The following MYLK variants were observed in gnomAD, a reference collection of about 807,000 sequenced individuals.
MYLK encodes myosin light chain kinase, smooth muscle.
A neutral mutation model predicts 203.4 loss-of-function variants in MYLK; 106 were observed. The ratio of observed to expected loss-of-function variants is 0.52; its 90% confidence interval spans 0.45 to 0.61. The LOEUF is 0.61. Among genes scored for constraint, MYLK ranks in the 20% least tolerant of loss-of-function variants. The pLI is 0.00. For synonymous variants in MYLK, 867 were observed against 959.5 expected, an observed-to-expected ratio of 0.90 and a Z score of 1.78; for missense variants, 2,072 against 2,442.3, an observed-to-expected ratio of 0.85 and a Z score of 3.20.
chr3:123,864,816 G>C (rs1356177633), intron 2 of MYLK, among the ~76,000 whole-genome samples: 1 of 152,154 alleles, frequency 6.6e-6, no homozygotes, highest in Non-Finnish European at 1.5e-5. Flanking sequence ...AAAAGCAGGA[G>C]GATCGTTTGA....
At chr3:123,827,282 C>T (rs558354133) in intron 3 of MYLK, among the ~76,000 whole-genome samples, 17 of 152,192 alleles carry the variant, frequency 1.1e-4, no homozygotes, top group Admixed American at 1.0e-3. Context: ...GAGAGATGGA[C>T]ATTCAGGTCT....
At chr3:123,757,109 T>C (rs1413649688) in intron 4 of MYLK, among the ~76,000 whole-genome samples, 2 of 152,200 alleles carry the variant, frequency 1.3e-5, no homozygotes, top group Non-Finnish European at 2.9e-5. Context: ...GAGAGGCAGT[T>C]TCCAGAACCT....
rs2059092909 is a variant in MYLK, at chr3:123,648,323, G to A, written c.4415+648C>T. Among the ~76,000 whole-genome samples the A allele has an allele frequency of 1.3e-5, 2 of 152,190 alleles. No homozygotes were observed. Among genetic ancestry groups the A allele is most frequent in the South Asian group, 4.1e-4 (2 of 4,830 alleles). On this transcript the variant is annotated intron_variant, in intron 26 of 33. Transcript: ENST00000360304. The surrounding 1 kb of genome is among the most constrained non-coding windows in gnomAD (Gnocchi z 4.5). ...CAGTGCGAGCCAAGTTCATGAGGGA[G>A]CTTGATGACTGCTGCGCGTTTAATG...
chr3:123,764,713 G>A (rs749125425), intron 4 of MYLK, among the ~76,000 whole-genome samples: 5 of 152,210 alleles, frequency 3.3e-5, no homozygotes, highest in African/African-American at 4.8e-5. Flanking sequence ...TGTACAGGAG[G>A]AGAGGGGTCT....
At chr3:123,666,434 T>C (rs1461483217) in intron 21 of MYLK, 88 bp from the exon 22 acceptor site, 1 of 1,585,356 alleles carries the variant, frequency 6.3e-7, no homozygotes, top group Non-Finnish European at 8.6e-7. Flanking sequence ...AGTGGTCTGT[T>C]GGCTTCTCTC....
At chr3:123,817,725 G>A (rs974866709) in intron 3 of MYLK, among the ~76,000 whole-genome samples, 4 of 152,162 alleles carry the variant, frequency 2.6e-5, no homozygotes, top group Non-Finnish European at 2.9e-5. Flanking sequence ...GGCTGATAGC[G>A]GGTAAGGAAC....
intron 4 of MYLK, among the ~76,000 whole-genome samples, chr3:123,763,814 C>A (rs535562576): frequency 6.6e-6 from 1 of 152,100 alleles, no homozygotes; most frequent in African/African-American, 2.4e-5. Context: ...TCCGTCAGAC[C>A]GTTGGTAGAT....
chr3:123,720,317 G>T (rs763777500), intron 13 of MYLK, among the ~76,000 whole-genome samples: 7 of 152,176 alleles, frequency 4.6e-5, no homozygotes, highest in Non-Finnish European at 1.0e-4. Flanking sequence ...ACCTCCAGGG[G>T]ACTCTTAGCT....
chr3:123,861,693 CA>C (rs1293580628), intron 2 of MYLK, among the ~76,000 whole-genome samples: 6 of 152,178 alleles, frequency 3.9e-5, no homozygotes, highest in South Asian at 2.1e-4. Flanking sequence ...GGCAGGAAAA[CA>C]AGTGTCCTAA....
intron 3 of MYLK, among the ~76,000 whole-genome samples, chr3:123,826,565 C>T (rs1376197273): frequency 3.9e-5 from 6 of 152,216 alleles, no homozygotes; most frequent in Non-Finnish European, 8.8e-5. Context: ...TGAAAAGCAG[C>T]CCCACAGACC....
intron 22 of MYLK, among the ~76,000 whole-genome samples, chr3:123,665,102 G>C (rs1180966418): frequency 6.6e-6 from 1 of 152,198 alleles, no homozygotes; most frequent in East Asian, 1.9e-4. Flanking sequence ...CACTTCAAGA[G>C]GGTGAATTTT....
chr3:123,774,964 G>A (rs2064016435), intron 4 of MYLK, among the ~76,000 whole-genome samples: 2 of 152,116 alleles, frequency 1.3e-5, no homozygotes, highest in East Asian at 3.9e-4. Context: ...TAAGGATCTA[G>A]TCTCCTCCCA....
chr3:123,752,545 G>C lies in MYLK; in HGVS notation c.166-7C>G, dbSNP rs1560173747. 6.2e-7 allele frequency: 1 copy of C among 1,609,276 alleles called. No homozygotes were observed. Among genetic ancestry groups the C allele is most frequent in the East Asian group, 2.2e-5 (1 of 44,716 alleles). ...GCTCTGGGTAACCCCGGACCTTCAAGAAAAAGAAGAAAGGGTAAGAGCCTG... is the reference window on the plus strand; with the variant it reads ...GCTCTGGGTAACCCCGGACCTTCAACAAAAAGAAGAAAGGGTAAGAGCCTG... On this transcript the variant is annotated splice_polypyrimidine_tract_variant and splice_region_variant and intron_variant, in intron 4 of 33. Coordinates refer to ENST00000360304, the MANE Select transcript of MYLK (RefSeq NM_053025.4).
chr3:123,647,796 C>T (rs1000350581), intron 26 of MYLK, among the ~76,000 whole-genome samples: 12 of 151,982 alleles, frequency 7.9e-5, no homozygotes, highest in African/African-American at 2.9e-4. Flanking sequence ...AAGCAATCCT[C>T]CCACCTCGGC....
intron 29 of MYLK, among the ~76,000 whole-genome samples, chr3:123,633,232 C>T (rs1576376937): frequency 6.6e-6 from 1 of 151,850 alleles, no homozygotes. Context: ...GCTTAGGTGA[C>T]CCTCCCACCT....
At position 123,700,537 on chromosome 3, in the gene MYLK, G is replaced by A. The variant is rs1225392368; in HGVS notation, c.2931C>T (p.Ala977=). The part of the protein sequence containing the change: ...VPEKVPPPKP[A]TPDFRSVLGG... ...CCAGCACTGAGCGAAAATCCGGGGT[G>A]GCAGGTTTTGGCGGTGGCACCTTCT... The change falls in exon 18 of 34, where the codon GCC becomes GCT. Residue 977 remains alanine (A), a synonymous_variant. Transcript: ENST00000360304. 1 of 1,613,478 alleles carries A rather than the reference G, an allele frequency of 6.2e-7. No individual in the cohort carries two copies. The highest frequency in any genetic ancestry group is 1.3e-5 in the African/African-American group (1 of 74,882).
intron 4 of MYLK, among the ~76,000 whole-genome samples, chr3:123,789,099 G>A (rs1249240462): frequency 6.6e-6 from 1 of 152,152 alleles, no homozygotes; most frequent in Non-Finnish European, 1.5e-5. Context: ...AGAGCAGCTA[G>A]GGGTGTTTCC....
At chr3:123,713,695 G>A (rs2061792837) in intron 13 of MYLK, among the ~76,000 whole-genome samples, 1 of 151,446 alleles carries the variant, frequency 6.6e-6, no homozygotes, top group African/African-American at 2.4e-5. Context: ...GCCTCTATCA[G>A]TTTCTGCTCA....
chr3:123,867,393 G>A (rs976977377), intron 2 of MYLK, among the ~76,000 whole-genome samples: 5 of 145,922 alleles, frequency 3.4e-5, no homozygotes, highest in Non-Finnish European at 7.4e-5. Context: ...ACTGAATTAG[G>A]ATGGGATTTA....
Sources: gnomAD v4.1 joint callset for allele counts (sites outside exome capture counted in the v4.1 genomes callset) on GRCh38, gnomAD v4.1.1 for gene constraint, Gnocchi (gnomAD v3.1) non-coding constraint, MANE v1.5 for transcripts, NCBI Gene and HGNC (gene_info 2026-07-23, HGNC 2026-07-21) for gene names.